Variants in B4GALT5 observed in about 807,000 individuals in gnomAD.
B4GALT5 encodes UDP-Gal:beta-GlcNAc beta-1,4-galactosyltransferase 5.
B4GALT5 carries 11 observed loss-of-function variants against 45.0 expected under a neutral mutation model. The observed-to-expected ratio is 0.24, with a 90% CI of 0.15 to 0.40. The LOEUF (loss-of-function observed/expected upper bound fraction) is 0.40, where lower values mean the gene tolerates loss of function less well. Ranked by LOEUF, B4GALT5 falls within the 10% of genes least tolerant of loss-of-function variation. B4GALT5 has a pLI of 1.00. For missense variants in B4GALT5, 337 were observed against 500.2 expected, an observed-to-expected ratio of 0.67 and a Z score of 3.11; for synonymous variants, 185 against 182.9, an observed-to-expected ratio of 1.01 and a Z score of -0.09.
chr20:49,638,998 G>GCTCT (rs1401572116), intron 7 of B4GALT5, among the ~76,000 whole-genome samples: 1 of 152,088 alleles, frequency 6.6e-6, no homozygotes, highest in East Asian at 1.9e-4. Flanking sequence ...ATATGCCAGA[G>GCTCT]CTCTATACAC....
chr20:49,690,500 G>A (rs1441663687), intron 1 of B4GALT5, among the ~76,000 whole-genome samples: 1 of 148,044 alleles, frequency 6.8e-6, no homozygotes, highest in Non-Finnish European at 1.5e-5. Context: ...AGTAAGCCGA[G>A]ATTGAACCAT....
Position 49,640,633 on chromosome 20 carries a change from A to C in B4GALT5, c.639T>G (p.Leu213=). 1 of 1,613,006 alleles carries C rather than the reference A, an allele frequency of 6.2e-7. No homozygotes were observed. The stretch of plus-strand genomic sequence containing the variant: ...TTGCCTCTTGAAAGCCAACGTTGAA[A>C]AGCATGGCTCGATTAAAGGGTTGGG... The part of the protein sequence containing the change: ...VGTQPFNRAM[L]FNVGFQEAMK... The change falls in exon 6 of 9, where the codon CTT becomes CTG. Residue 213 remains leucine, a synonymous_variant. Transcript: ENST00000371711.
At chr20:49,699,552 G>A (rs2085853167) in intron 1 of B4GALT5, among the ~76,000 whole-genome samples, 1 of 152,070 alleles carries the variant, frequency 6.6e-6, no homozygotes, top group Admixed American at 6.6e-5. Flanking sequence ...TGAAACTGCA[G>A]GTAGTACCAG....
chr20:49,676,212 T>C (rs1396255189), intron 1 of B4GALT5, among the ~76,000 whole-genome samples: 2 of 152,142 alleles, frequency 1.3e-5, no homozygotes, highest in African/African-American at 4.8e-5. Context: ...TGTGTGTGTG[T>C]GTGTTACAGG....
intron 1 of B4GALT5, among the ~76,000 whole-genome samples, chr20:49,679,269 G>T (rs971286280): frequency 6.6e-6 from 1 of 151,804 alleles, no homozygotes; most frequent in African/African-American, 2.4e-5. Context: ...TTGCTGTTTC[G>T]TTGTTGTTGT....
intron 1 of B4GALT5, among the ~76,000 whole-genome samples, chr20:49,668,808 C>T (rs2085703335): frequency 6.6e-6 from 1 of 152,104 alleles, no homozygotes; most frequent in Non-Finnish European, 1.5e-5. Context: ...TGGTTCCAGC[C>T]TCCCACCCCC....
At chr20:49,661,274 C>T (rs2085663609) in intron 1 of B4GALT5, among the ~76,000 whole-genome samples, 2 of 152,082 alleles carry the variant, frequency 1.3e-5, no homozygotes, top group African/African-American at 4.8e-5. Flanking sequence ...CTCCCTCTGT[C>T]GCCCAAGCTG....
chr20:49,688,022 T>C (rs2085794007), intron 1 of B4GALT5, among the ~76,000 whole-genome samples: 1 of 152,074 alleles, frequency 6.6e-6, no homozygotes, highest in Non-Finnish European at 1.5e-5. Flanking sequence ...CCTCAGGGAA[T>C]CTGCCAATGC....
At chr20:49,636,536 C>T (rs552243485) in intron 8 of B4GALT5, 77 bp from the exon 9 acceptor site, 59 of 1,523,068 alleles carry the variant, frequency 3.9e-5, no homozygotes, top group Non-Finnish European at 5.1e-5. Flanking sequence ...TGGAGCAGGG[C>T]GTCCCACAGC....
At position 49,643,653 on chromosome 20, in the gene B4GALT5, G is replaced by A. The variant is rs1303940406; in HGVS notation, c.365-3C>T. 3.7e-6 allele frequency: 6 copies of A among 1,612,206 alleles called. No individual in the cohort carries two copies. Among genetic ancestry groups the A allele is most frequent in the Middle Eastern group, 1.6e-4 (1 of 6,074 alleles). ...CATGTTTATGTCTATTGGGCCCTCT[G>A]AACAGAGACGGGGAAAAGGGATTAA... On this transcript the variant is annotated splice_polypyrimidine_tract_variant and splice_region_variant and intron_variant, in intron 3 of 8. Coordinates refer to ENST00000371711, the MANE Select transcript of B4GALT5 (RefSeq NM_004776.4).
At chr20:49,652,621 C>T (rs1393887809) in intron 2 of B4GALT5, among the ~76,000 whole-genome samples, 2 of 151,930 alleles carry the variant, frequency 1.3e-5, no homozygotes, top group Non-Finnish European at 2.9e-5. Context: ...GATTCACAAT[C>T]TCACAAACCA....
intron 3 of B4GALT5, among the ~76,000 whole-genome samples, chr20:49,646,564 C>T (rs575863868): frequency 1.7e-4 from 26 of 152,266 alleles, no homozygotes; most frequent in Admixed American, 3.3e-4. Context: ...CTAGGGGTGT[C>T]GCAGGCTACA....
intron 1 of B4GALT5, among the ~76,000 whole-genome samples, chr20:49,666,648 T>C (rs1388228716): frequency 6.6e-6 from 1 of 152,108 alleles, no homozygotes; most frequent in Non-Finnish European, 1.5e-5. Flanking sequence ...GCTAGTGCTC[T>C]CTCCTTCCCC....
intron 5 of B4GALT5, among the ~76,000 whole-genome samples, chr20:49,641,263 A>G (rs2085576088): frequency 6.6e-6 from 1 of 152,250 alleles, no homozygotes; most frequent in African/African-American, 2.4e-5. Flanking sequence ...ACCCCGCTCC[A>G]CAAAGGGAAG....
chr20:49,712,659 C>G (rs968057137), intron 1 of B4GALT5, among the ~76,000 whole-genome samples: 17 of 152,130 alleles, frequency 1.1e-4, no homozygotes, highest in African/African-American at 4.1e-4. Context: ...AGAGCAGGCA[C>G]TATCCAATAC....
intron 1 of B4GALT5, among the ~76,000 whole-genome samples, chr20:49,673,371 C>T (rs1173751760): frequency 1.6e-5 from 2 of 128,260 alleles, no homozygotes; most frequent in Non-Finnish European, 3.6e-5. Context: ...CAAAGAGAGA[C>T]TCCAACTCAA....
In B4GALT5 at chr20:49,713,619, G is replaced by C. The variant is rs773822468; in HGVS notation, c.72C>G (p.Leu24=). 6.3e-7 allele frequency: 1 copy of C among 1,589,690 alleles called. No homozygotes were observed. The highest frequency in any genetic ancestry group is 1.8e-5 in the Admixed American group (1 of 56,428). ...AGACGAAGTACAGCAGCGAGGACGA[G>C]AGAGAAAAGAAGAAGAGCGCGGCGA... ...SLLAALFFFS[L]SSSLLYFVYV... The change falls in exon 1 of 9, where the codon CTC becomes CTG. Residue 24 remains leucine (L), a synonymous_variant. Coordinates refer to ENST00000371711, the MANE Select transcript of B4GALT5 (RefSeq NM_004776.4).
rs746313658 is a variant in B4GALT5 at position 49,640,658 on chromosome 20, G to A, written c.614C>T (p.Thr205Ile). ...AAGCATGGCTCGATTAAAGGGTTGG[G>A]TACCAACCTAAAAGAAACAGAACTT... ...FAFYVVEQVG[T>I]QPFNRAMLFN... is the part of the protein sequence containing the mutation. The change falls in exon 6 of 9, where the codon ACC becomes ATC. Residue 205 changes from threonine to isoleucine, a missense_variant. Thr to Ile is a moderately conservative substitution (Grantham distance 89). Around this residue, in one of 2 missense-constraint regions of B4GALT5, gnomAD observed 163 missense variants for 292.8 expected, o/e 0.56. Transcript: ENST00000371711. The A allele has an allele frequency of 1.2e-5, 19 of 1,597,768 alleles. No individual in the cohort carries two copies. The highest frequency in any genetic ancestry group is 2.7e-5 in the African/African-American group (2 of 73,698).
chr20:49,663,688 AAAATATATAC>A lies in B4GALT5; in HGVS notation c.116-6996_116-6987del, dbSNP rs1451654557. Among the ~76,000 whole-genome samples, 30 of 106,916 alleles carry A rather than the reference AAAATATATAC, an allele frequency of 2.8e-4. 2 individuals are homozygous for A. The highest frequency in any genetic ancestry group is 9.9e-4 in the African/African-American group (26 of 26,186). 70.1% of individuals were successfully genotyped at this position (106,916 alleles called of 152,430 possible). The stretch of plus-strand genomic sequence containing the variant: ...AATTCATCTCAAGAAAAAAAAAAAA[AAAATATATAC>A]ATATATATATATATATATATATATA... On this transcript the variant is annotated intron_variant, in intron 1 of 8. Transcript: ENST00000371711.
Sources: allele counts gnomAD v4.1 joint callset (sites outside exome capture counted in the v4.1 genomes callset), GRCh38; gene constraint gnomAD v4.1.1; regional missense constraint gnomAD v4.1.1; transcripts MANE v1.5; gene names NCBI Gene and HGNC (gene_info 2026-07-23, HGNC 2026-07-21).